ATXN1: variants seen among roughly 807,000 people sequenced by gnomAD.
The protein encoded by ATXN1 is ataxin-1.
ATXN1 carries 8 observed loss-of-function variants against 56.4 expected under a neutral mutation model. The observed-to-expected ratio is 0.14, with a 90% CI of 0.08 to 0.26. The LOEUF (loss-of-function observed/expected upper bound fraction) is 0.26. ATXN1 is among the 10% of genes least tolerant of loss of function. The pLI, the probability that ATXN1 is intolerant of heterozygous loss-of-function variation, is 1.00. For synonymous variants in ATXN1, 514 were observed against 494.6 expected, an observed-to-expected ratio of 1.04 and a Z score of -0.52; for missense variants, 987 against 1,106.5, an observed-to-expected ratio of 0.89 and a Z score of 1.53.
intron 6 of ATXN1, among the ~76,000 whole-genome samples, chr6:16,397,333 C>T (rs1581735304): frequency 6.6e-6 from 1 of 152,120 alleles, no homozygotes; most frequent in Non-Finnish European, 1.5e-5. Context: ...TGCAATGGCA[C>T]GATCTTGGCT....
In ATXN1 at chr6:16,306,500, G is replaced by A; in HGVS notation, c.2277C>T (p.Thr759=). The change falls in exon 8 of 8, where the codon ACC becomes ACT. Residue 759 remains threonine (T), a synonymous_variant. Coordinates refer to ENST00000436367, the MANE Select transcript of ATXN1 (RefSeq NM_001128164.2). The surrounding 1 kb of genome is among the most constrained non-coding windows in gnomAD (Gnocchi z 5.2). ...KMGLPAAPFL[T]KIEPSKPAAT... ...CCGCGGGCTTGCTGGGTTCTATTTT[G>A]GTGAGGAAGGGCGCTGCAGGCAATC... 1 of 1,614,168 alleles carries A rather than the reference G, an allele frequency of 6.2e-7. No individual in the cohort carries two copies. The highest frequency in any genetic ancestry group is 8.5e-7 in the Non-Finnish European group (1 of 1,180,020).
chr6:16,751,814 G>A (rs1380909583), intron 2 of ATXN1, among the ~76,000 whole-genome samples: 1 of 152,174 alleles, frequency 6.6e-6, no homozygotes, highest in Non-Finnish European at 1.5e-5. Flanking sequence ...ACCTGTTGAG[G>A]GATAAGTTAC....
intron 3 of ATXN1, among the ~76,000 whole-genome samples, chr6:16,657,536 C>A (rs1758231493): frequency 6.6e-6 from 1 of 152,132 alleles, no homozygotes; most frequent in Admixed American, 6.6e-5. Flanking sequence ...GTTCTTTTTT[C>A]TAACCACAAA....
intron 2 of ATXN1, among the ~76,000 whole-genome samples, chr6:16,720,951 C>T (rs1759733992): frequency 6.6e-6 from 1 of 152,200 alleles, no homozygotes; most frequent in Admixed American, 6.5e-5. Flanking sequence ...AAATGTCTGT[C>T]CTTATCAAGC....
At chr6:16,548,376 T>G (rs929685126) in intron 4 of ATXN1, among the ~76,000 whole-genome samples, 1 of 152,224 alleles carries the variant, frequency 6.6e-6, no homozygotes, top group Non-Finnish European at 1.5e-5. Context: ...GCAGACTTTA[T>G]AAACACTGTA....
intron 6 of ATXN1, among the ~76,000 whole-genome samples, chr6:16,444,983 C>T (rs1364154422): frequency 3.3e-5 from 5 of 151,976 alleles, no homozygotes; most frequent in South Asian, 2.1e-4. Context: ...CAAACCCAGA[C>T]GGGTGGGAAA....
intron 6 of ATXN1, among the ~76,000 whole-genome samples, chr6:16,400,180 G>A (rs1215828019): frequency 6.6e-6 from 1 of 152,124 alleles, no homozygotes; most frequent in African/African-American, 2.4e-5. Flanking sequence ...TATTCACTCA[G>A]TATTAATTAT....
chr6:16,476,875 C>T (rs912180930), intron 6 of ATXN1, among the ~76,000 whole-genome samples: 1 of 152,184 alleles, frequency 6.6e-6, no homozygotes, highest in African/African-American at 2.4e-5. Context: ...GTATACAAAA[C>T]GTGCTAGAAA....
At chr6:16,686,752 T>C (rs1758927303) in intron 2 of ATXN1, among the ~76,000 whole-genome samples, 1 of 152,190 alleles carries the variant, frequency 6.6e-6, no homozygotes, top group Non-Finnish European at 1.5e-5. Flanking sequence ...CTCTACACTT[T>C]TTAAAAATAC....
intron 6 of ATXN1, among the ~76,000 whole-genome samples, chr6:16,373,895 C>T (rs1032620402): frequency 6.6e-6 from 1 of 152,136 alleles, no homozygotes; most frequent in Non-Finnish European, 1.5e-5. Flanking sequence ...CCAAATTAGA[C>T]CTGTTTCTCC....
intron 2 of ATXN1, among the ~76,000 whole-genome samples, chr6:16,726,380 C>CA (rs10716233): frequency 0.087 from 10,843 of 124,106 alleles, 650 homozygotes; most frequent in East Asian, 0.22. Flanking sequence ...GACTCTGTCT[C>CA]AAAAAAAAAA....
Position 16,620,262 on chromosome 6 carries a change from AACACACAC to A in ATXN1, c.-488-34363_-488-34356del, listed in dbSNP as rs60586256. On this transcript the variant is annotated intron_variant, in intron 3 of 7. Transcript: ENST00000436367. Reference sequence around the variant, plus strand: ...TCTCTCTCTCTCTCTCTGTCTCTCAAACACACACACACACACACACACACACACACACA... The same window carrying A: ...TCTCTCTCTCTCTCTCTGTCTCTCAAACACACACACACACACACACACACA... 1.1e-3 allele frequency among the ~76,000 whole-genome samples: 150 copies of A among 137,494 alleles called. 1 individual carries two copies. Among genetic ancestry groups the A allele is most frequent in the East Asian group, 4.7e-3 (22 of 4,686 alleles). The allele number at this position is 137,494 out of a possible 152,430, so 90.2% of individuals were successfully genotyped here. A position where few individuals can be genotyped will look rare whatever the true frequency, so the allele number is the denominator to read the frequency against.
intron 4 of ATXN1, among the ~76,000 whole-genome samples, chr6:16,552,116 C>T (rs561710553): frequency 1.3e-5 from 2 of 152,286 alleles, no homozygotes; most frequent in African/African-American, 2.4e-5. Flanking sequence ...CAATGACAAC[C>T]CAGAATGGTT....
At chr6:16,503,453 C>A (rs1253819219) in intron 5 of ATXN1, among the ~76,000 whole-genome samples, 1 of 152,200 alleles carries the variant, frequency 6.6e-6, no homozygotes, top group Non-Finnish European at 1.5e-5. Context: ...CATGCTGTCC[C>A]TTGGCAGGTG....
In ATXN1 at chr6:16,365,398, G is replaced by GAACTCCTACCT. The variant is rs113428074; in HGVS notation, c.-160-36929_-160-36928insAGGTAGGAGTT. ...TCACCATGTTGGCCAGGCTGGTCTCGAACTCCTGACCTCAGGTGATCCACC... is the reference window on the plus strand; with the variant it reads ...TCACCATGTTGGCCAGGCTGGTCTCGAACTCCTACCTAACTCCTGACCTCAGGTGATCCACC... On this transcript the variant is annotated intron_variant, in intron 6 of 7. Coordinates refer to ENST00000436367, the MANE Select transcript of ATXN1 (RefSeq NM_001128164.2). Among the ~76,000 whole-genome samples, 388 of 152,228 alleles carry GAACTCCTACCT rather than the reference G, an allele frequency of 2.5e-3. 6 individuals carry two copies. The highest frequency in any genetic ancestry group is 8.5e-3 in the African/African-American group (355 of 41,540).
At chr6:16,598,930 G>T (rs557396252) in intron 3 of ATXN1, among the ~76,000 whole-genome samples, 16 of 152,208 alleles carry the variant, frequency 1.1e-4, no homozygotes, top group Admixed American at 3.3e-4. Context: ...AAGAGGAGGG[G>T]TTCATGTGCA....
chr6:16,337,671 G>A (rs1367398110), intron 6 of ATXN1, among the ~76,000 whole-genome samples: 1 of 152,192 alleles, frequency 6.6e-6, no homozygotes, highest in Non-Finnish European at 1.5e-5. Context: ...AAAGCGTAGT[G>A]CATTCCAGGT....
intron 2 of ATXN1, chr6:16,738,148 A>C (rs1370494293): frequency 6.6e-6 from 1 of 152,234 alleles, no homozygotes; most frequent in Non-Finnish European, 1.5e-5. Flanking sequence ...TGTTGCTAAA[A>C]ATTACATTTG....
chr6:16,372,125 T>A (rs1762052916), intron 6 of ATXN1, among the ~76,000 whole-genome samples: 1 of 152,226 alleles, frequency 6.6e-6, no homozygotes, highest in South Asian at 2.1e-4. Flanking sequence ...AATCTATTTT[T>A]CTTTTATAAA....
Sources: gnomAD v4.1 joint callset for allele counts (sites outside exome capture counted in the v4.1 genomes callset) on GRCh38, gnomAD v4.1.1 for gene constraint, Gnocchi (gnomAD v3.1) non-coding constraint, MANE v1.5 for transcripts, NCBI Gene and HGNC (gene_info 2026-07-23, HGNC 2026-07-21) for gene names.